The following ZFPM1 variants were observed in gnomAD, a reference collection of about 807,000 sequenced individuals.
ZFPM1 encodes zinc finger protein, FOG family member 1.
ZFPM1 carries 28 observed loss-of-function variants against 46.3 expected under a neutral mutation model. The observed-to-expected ratio is 0.60, with a 90% CI of 0.45 to 0.83. The LOEUF is 0.83. Among genes scored for constraint, ZFPM1 ranks in the 40% least tolerant of loss-of-function variants. The probability of loss-of-function intolerance (pLI) is 0.00; values close to 1 mark genes in which losing one functional copy is unlikely to be tolerated. For synonymous variants in ZFPM1, 957 were observed against 675.9 expected (o/e 1.42, Z -6.45); for missense variants, 1,878 against 1,432.4 (o/e 1.31, Z -5.02).
intron 1 of ZFPM1, among the ~76,000 whole-genome samples, chr16:88,455,308 C>T (rs1391368519): frequency 1.3e-5 from 2 of 152,124 alleles, no homozygotes; most frequent in African/African-American, 4.8e-5. Context: ...GCAGAGCGCG[C>T]GCACTTTGGG....
rs775109502 is a variant in ZFPM1, at chr16:88,534,043, C to G, written c.2085C>G (p.His695Gln). ...CCTGCAACATCCGCTTCAGCCGCCA[C>G]GAGACCTACACCGTGCACAAGCGGT... Reference protein sequence around the residue: ...CEACNIRFSRHETYTVHKRYY... With the variant: ...CEACNIRFSRQETYTVHKRYY... The change falls in exon 10 of 10, where the codon CAC becomes CAG. Residue 695 changes from histidine (H) to glutamine (Q), a missense_variant. By Grantham distance (24) the His-to-Gln change is conservative (BLOSUM62 0). Transcript: ENST00000319555. 1.5e-6 allele frequency: 2 copies of G among 1,350,666 alleles called. No individual in the cohort carries two copies. Among genetic ancestry groups the G allele is most frequent in the Admixed American group, 4.5e-5 (2 of 44,924 alleles). 83.7% of individuals were successfully genotyped at this position (1,350,666 alleles called of 1,614,324 possible).
Position 88,532,091 on chromosome 16 carries a change from CA to C in ZFPM1, c.803del (p.Gln268ArgfsTer56). 6.2e-7 allele frequency: 1 copy of C among 1,612,494 alleles called. No homozygotes were observed. Among genetic ancestry groups the C allele is most frequent in the Non-Finnish European group, 8.5e-7 (1 of 1,179,758 alleles). On this transcript the variant is annotated frameshift_variant, in exon 7 of 10. Transcript: ENST00000319555. LOFTEE classifies it high-confidence loss of function. ...AHLLYYCASR[Q>X]GTGSPAAAAT... ...CCTGCTCTACTACTGCGCCAGCCGC[CA>C]GGGCACCGGCTCCCCGGCCGCAGCC...
At position 88,533,913 on chromosome 16, in the gene ZFPM1, C is replaced by A; in HGVS notation, c.1955C>A (p.Ala652Asp). 1 of 1,146,562 alleles carries A rather than the reference C, an allele frequency of 8.7e-7. No individual in the cohort carries two copies. Among genetic ancestry groups the A allele is most frequent in the South Asian group, 1.8e-5 (1 of 57,112 alleles). 71.0% of individuals were successfully genotyped at this position (1,146,562 alleles called of 1,614,324 possible). A position where few individuals can be genotyped will look rare whatever the true frequency, so the allele number is the denominator to read the frequency against. Residue 652 changes from alanine (A) to aspartate (D), a missense_variant, in exon 10 of 10, where the codon GCC (alanine) becomes GAC (aspartate). Transcript: ENST00000319555. Reference protein sequence around the residue: ...GAREEGAGGAATPEDGAGGRG... With the variant: ...GAREEGAGGADTPEDGAGGRG... ...CGCGAGGAGGGGGCTGGGGGCGCGG[C>A]CACGCCCGAGGACGGCGCGGGCGGC...
rs893998909 is a variant in ZFPM1, at chr16:88,527,006, G to A, written c.505+90G>A. 1.2e-5 allele frequency: 17 copies of A among 1,475,996 alleles called. No homozygotes were observed. The Admixed American group carries it at 3.3e-4, about 29-fold the overall frequency. The allele number at this position is 1,475,996 out of a possible 1,614,324, so 91.4% of individuals were successfully genotyped here. ...GGGCTGAGCCCTTAAAGGGAAACCA[G>A]CCTGCTAGGGCAGGGGATGGGGCAC... On this transcript the variant is annotated intron_variant, in intron 5 of 9. Transcript: ENST00000319555.
Position 88,534,039 on chromosome 16 carries a change from GC to G in ZFPM1, c.2083del (p.His695ThrfsTer103). On this transcript the variant is annotated frameshift_variant, in exon 10 of 10. Transcript: ENST00000319555. LOFTEE classifies it low-confidence loss of function (END_TRUNC). Reference protein sequence around the residue: ...LCEACNIRFSRHETYTVHKRY... With the variant: ...LCEACNIRFSXHETYTVHKRY... The stretch of plus-strand genomic sequence containing the variant: ...GAGGCCTGCAACATCCGCTTCAGCC[GC>G]CACGAGACCTACACCGTGCACAAGC... The G allele has an allele frequency of 7.5e-7, 1 of 1,326,076 alleles. No homozygotes were observed. The highest frequency in any genetic ancestry group is 2.3e-5 in the Admixed American group (1 of 43,322). 82.1% of individuals were successfully genotyped at this position (1,326,076 alleles called of 1,614,324 possible).
chr16:88,525,811 T>C (rs569299462), intron 4 of ZFPM1, among the ~76,000 whole-genome samples: 5 of 152,320 alleles, frequency 3.3e-5, no homozygotes, highest in East Asian at 1.9e-4. Context: ...TGCACTGGGA[T>C]GGGGCCCCTC....
At chr16:88,466,286 T>C (rs1336298739) in intron 1 of ZFPM1, among the ~76,000 whole-genome samples, 1 of 152,224 alleles carries the variant, frequency 6.6e-6, no homozygotes, top group Non-Finnish European at 1.5e-5. Context: ...AGTTCTGGCA[T>C]GGAGTACTCT....
In ZFPM1 at chr16:88,497,822, G is replaced by A. The variant is rs142036328; in HGVS notation, c.268+8669G>A. On this transcript the variant is annotated intron_variant, in intron 3 of 9. Transcript: ENST00000319555. This position sits in a 1 kb window ranked among gnomAD's most constrained non-coding sequence, Gnocchi z 5.4. ...CCTCACCCGAGTGTGTGAGGGCGTCGGGCTGGTTATCTGGGCCGAGCTCCA... is the reference window on the plus strand; with the variant it reads ...CCTCACCCGAGTGTGTGAGGGCGTCAGGCTGGTTATCTGGGCCGAGCTCCA... Among the ~76,000 whole-genome samples, 16 of 152,294 alleles carry A rather than the reference G, an allele frequency of 1.1e-4. No individual in the cohort carries two copies. The highest frequency in any genetic ancestry group is 2.1e-4 in the Non-Finnish European group (14 of 68,016).
intron 1 of ZFPM1, among the ~76,000 whole-genome samples, chr16:88,463,964 G>A (rs946481801): frequency 2.0e-5 from 3 of 152,220 alleles, no homozygotes; most frequent in Non-Finnish European, 4.4e-5. Context: ...CGTAGGGCAG[G>A]GCCAGCCCTG....
rs755468715 is a variant in ZFPM1 at position 88,531,994 on chromosome 16, C to A, written c.713-8C>A. 3.8e-6 allele frequency: 6 copies of A among 1,590,296 alleles called. No homozygotes were observed. In the South Asian group the frequency reaches 5.6e-5, roughly 15 times the overall value. On this transcript the variant is annotated splice_region_variant and splice_polypyrimidine_tract_variant and intron_variant, in intron 6 of 9. Transcript: ENST00000319555. ...TCAGCCTGACCCCGCCTGCTTCCCA[C>A]CCCACAGAAGACGTCTTCCCCTGCA...
At chr16:88,473,770 G>A (rs1220631872) in intron 1 of ZFPM1, among the ~76,000 whole-genome samples, 3 of 152,134 alleles carry the variant, frequency 2.0e-5, no homozygotes, top group Non-Finnish European at 4.4e-5. Context: ...TTGCAGCCGC[G>A]TGCGTGGCCT....
chr16:88,489,719 A>G (rs1420023420), intron 3 of ZFPM1, among the ~76,000 whole-genome samples: 1 of 152,202 alleles, frequency 6.6e-6, no homozygotes, highest in Non-Finnish European at 1.5e-5. Flanking sequence ...CGTGATTTGC[A>G]GCTGGAGTTC....
chr16:88,473,651 C>A lies in ZFPM1; in HGVS notation c.41-12288C>A, dbSNP rs76796676. Among the ~76,000 whole-genome samples the A allele has an allele frequency of 3.6e-4, 55 of 152,248 alleles. 1 individual carries two copies. The East Asian group carries it at 0.01, about 28-fold the overall frequency. On this transcript the variant is annotated intron_variant, in intron 1 of 9. Coordinates refer to ENST00000319555, the MANE Select transcript of ZFPM1 (RefSeq NM_153813.3). ...CGATGGCTCCGTGAGCCGCGGCCCC[C>A]GCCCCATCTATCAGCCCTTATCACC...
chr16:88,477,826 C>T (rs907986204), intron 1 of ZFPM1, among the ~76,000 whole-genome samples: 7 of 152,276 alleles, frequency 4.6e-5, no homozygotes, highest in African/African-American at 1.4e-4. Flanking sequence ...AGGGCCCCTG[C>T]ACAGCAGCCA....
At chr16:88,454,382 T>G (rs1366958936) in intron 1 of ZFPM1, among the ~76,000 whole-genome samples, 1 of 152,092 alleles carries the variant, frequency 6.6e-6, no homozygotes, top group Non-Finnish European at 1.5e-5. Flanking sequence ...TGGTGACACC[T>G]CCTGGACCCT....
intron 1 of ZFPM1, among the ~76,000 whole-genome samples, chr16:88,479,704 C>T (rs888762151): frequency 6.6e-5 from 10 of 151,038 alleles, no homozygotes; most frequent in Non-Finnish European, 1.2e-4. Flanking sequence ...GACCCCCCCC[C>T]ACCCACCTGC....
In ZFPM1 at chr16:88,533,615, C is replaced by G; in HGVS notation, c.1657C>G (p.Arg553Gly). The G allele has an allele frequency of 6.8e-7, 1 of 1,481,302 alleles. No homozygotes were observed. Among genetic ancestry groups the G allele is most frequent in the East Asian group, 2.9e-5 (1 of 34,702 alleles). 91.8% of individuals were successfully genotyped at this position (1,481,302 alleles called of 1,614,324 possible). Reference sequence around the variant, plus strand: ...CAAGATGTCCGAGCTGGTGCACAGCCGGCTGCAGCAGGGCGCGGGCGCGGG... The same window carrying G: ...CAAGATGTCCGAGCTGGTGCACAGCGGGCTGCAGCAGGGCGCGGGCGCGGG... ...LAKMSELVHS[R>G]LQQGAGAGAG... is the part of the protein sequence containing the mutation. Residue 553 changes from arginine (R) to glycine (G), a missense_variant, in exon 10 of 10, where the codon CGG becomes GGG. Arg to Gly is a moderately radical substitution (Grantham distance 125, BLOSUM62 -2). Transcript: ENST00000319555.
Position 88,534,385 on chromosome 16 carries a change from G to A in ZFPM1, c.2427G>A (p.Pro809=), listed in dbSNP as rs751801390. ...CGCGGCGCCCGCTCCCCGGAGCCCC[G>A]GCACCGGCGCTGGCCGACTACCACG... is the stretch of plus-strand genomic sequence containing the variant. The part of the protein sequence containing the change: ...KKPRRPLPGA[P]APALADYHEC... Residue 809 remains proline (P), a synonymous_variant, in exon 10 of 10, where the codon CCG becomes CCA. Transcript: ENST00000319555. 33 of 1,459,528 alleles carry A rather than the reference G, an allele frequency of 2.3e-5. No homozygotes were observed. Among genetic ancestry groups the A allele is most frequent in the Non-Finnish European group, 2.6e-5 (29 of 1,111,198 alleles). 90.4% of individuals were successfully genotyped at this position (1,459,528 alleles called of 1,614,324 possible).
chr16:88,517,766 G>C (rs1454102786), intron 4 of ZFPM1, among the ~76,000 whole-genome samples: 2 of 134,552 alleles, frequency 1.5e-5, no homozygotes, highest in Non-Finnish European at 3.1e-5. Flanking sequence ...GAAAGGGTGG[G>C]TGGGTAGATG....
Sources: gnomAD v4.1 joint callset for allele counts (sites outside exome capture counted in the v4.1 genomes callset) on GRCh38, gnomAD v4.1.1 for gene constraint, Gnocchi (gnomAD v3.1) non-coding constraint, MANE v1.5 for transcripts, NCBI Gene and HGNC (gene_info 2026-07-23, HGNC 2026-07-21) for gene names.